Variants in GRM7 observed in about 807,000 individuals in gnomAD.
GRM7 encodes the protein metabotropic glutamate receptor 7.
In GRM7, 35 loss-of-function variants were observed where a neutral mutation model predicts 84.5. That is an observed-to-expected ratio of 0.41 (90% confidence interval 0.32 to 0.55). GRM7 has a LOEUF of 0.55. Ranked by LOEUF, GRM7 falls within the 20% of genes least tolerant of loss-of-function variation. The pLI, the probability that GRM7 is intolerant of heterozygous loss-of-function variation, is 0.19. For missense variants in GRM7, 1,003 were observed against 1,194.6 expected (o/e 0.84, Z 2.36); for synonymous variants, 487 against 455.1 (o/e 1.07, Z -0.89).
intron 4 of GRM7, among the ~76,000 whole-genome samples, chr3:7,355,381 C>T (rs1356088458): frequency 6.6e-6 from 1 of 152,036 alleles, no homozygotes; most frequent in Non-Finnish European, 1.5e-5. Flanking sequence ...GGTCCAGGCA[C>T]CTGTGCAAAC....
At chr3:7,433,672 G>A (rs1264194476) in intron 5 of GRM7, among the ~76,000 whole-genome samples, 7 of 152,170 alleles carry the variant, frequency 4.6e-5, no homozygotes, top group Non-Finnish European at 8.8e-5. Context: ...CTTCTGCTGA[G>A]CAGTTTTCTT....
chr3:7,718,850 G>A (rs903766090), intron 9 of GRM7, among the ~76,000 whole-genome samples: 2 of 152,214 alleles, frequency 1.3e-5, no homozygotes, highest in East Asian at 1.9e-4. Context: ...CTTTGGTGAT[G>A]ATCTTGCTGA....
intron 1 of GRM7, among the ~76,000 whole-genome samples, chr3:6,979,184 C>T (rs908092035): frequency 6.6e-6 from 1 of 152,146 alleles, no homozygotes; most frequent in Non-Finnish European, 1.5e-5. Context: ...CACGAATTCT[C>T]TCTTTTCAGT....
intron 1 of GRM7, among the ~76,000 whole-genome samples, chr3:7,030,980 A>C (rs1367254209): frequency 6.6e-6 from 1 of 152,216 alleles, no homozygotes; most frequent in Non-Finnish European, 1.5e-5. Flanking sequence ...TGAAAGAATA[A>C]AGTATATGCT....
At chr3:7,147,269 G>C (rs1447572984) in intron 2 of GRM7, among the ~76,000 whole-genome samples, 1 of 152,118 alleles carries the variant, frequency 6.6e-6, no homozygotes, top group Non-Finnish European at 1.5e-5. Context: ...GGAAGTAATG[G>C]GTTCAAATGT....
chr3:7,602,811 C>G (rs185461821), intron 8 of GRM7, among the ~76,000 whole-genome samples: 1 of 152,078 alleles, frequency 6.6e-6, no homozygotes, highest in African/African-American at 2.4e-5. Flanking sequence ...TGCTTTGATG[C>G]GTCTTGTATA....
chr3:7,549,368 C>A (rs1575481143), intron 7 of GRM7, among the ~76,000 whole-genome samples: 2 of 152,082 alleles, frequency 1.3e-5, no homozygotes, highest in East Asian at 3.9e-4. Context: ...CACATAGGCA[C>A]CTTAAAATCA....
chr3:7,293,818 T>C (rs1013547331), intron 2 of GRM7, among the ~76,000 whole-genome samples: 1 of 152,220 alleles, frequency 6.6e-6, no homozygotes, highest in Non-Finnish European at 1.5e-5. Flanking sequence ...TGAATGTTTA[T>C]GTTGAAGTCA....
chr3:7,613,174 T>A (rs1344164761), intron 8 of GRM7, among the ~76,000 whole-genome samples: 1 of 152,140 alleles, frequency 6.6e-6, no homozygotes, highest in Non-Finnish European at 1.5e-5. Flanking sequence ...TCAATGGACA[T>A]GAATTTGGGG....
intron 4 of GRM7, among the ~76,000 whole-genome samples, chr3:7,370,409 C>T (rs1184131359): frequency 6.6e-6 from 1 of 152,046 alleles, no homozygotes; most frequent in African/African-American, 2.4e-5. Flanking sequence ...ATTGTAGTTC[C>T]CATAATTCCC....
intron 7 of GRM7, among the ~76,000 whole-genome samples, chr3:7,555,862 C>G (rs1693730317): frequency 6.6e-6 from 1 of 152,122 alleles, no homozygotes; most frequent in Non-Finnish European, 1.5e-5. Context: ...GAGAAGCCAC[C>G]ATATCTACTT....
intron 2 of GRM7, among the ~76,000 whole-genome samples, chr3:7,155,669 T>A (rs893618843): frequency 6.6e-6 from 1 of 152,190 alleles, no homozygotes; most frequent in South Asian, 2.1e-4. Flanking sequence ...CAAAGGGATC[T>A]GTTTTCCTTT....
chr3:7,415,737 T>G (rs370066243), intron 5 of GRM7, among the ~76,000 whole-genome samples: 28 of 152,140 alleles, frequency 1.8e-4, no homozygotes, highest in African/African-American at 6.3e-4. Context: ...ATTTACTGAG[T>G]GACTCCTTTC....
At chr3:7,716,833 A>C in intron 9 of GRM7, among the ~76,000 whole-genome samples, 1 of 152,308 alleles carries the variant, frequency 6.6e-6, no homozygotes, top group African/African-American at 2.4e-5. Context: ...AGCAAGGGAA[A>C]TTGTGTGCTT....
chr3:7,553,473 A>C (rs1161346625), intron 7 of GRM7, among the ~76,000 whole-genome samples: 7 of 152,162 alleles, frequency 4.6e-5, no homozygotes, highest in Non-Finnish European at 2.9e-5. Context: ...TTATTGTATT[A>C]GTTCATTTTC....
chr3:7,244,128 A>G (rs954531716), intron 2 of GRM7, among the ~76,000 whole-genome samples: 2 of 152,094 alleles, frequency 1.3e-5, no homozygotes, highest in Non-Finnish European at 2.9e-5. Context: ...TAAATTTATG[A>G]AAATTATGTT....
intron 1 of GRM7, among the ~76,000 whole-genome samples, chr3:7,108,080 G>T (rs1269857561): frequency 6.6e-6 from 1 of 152,080 alleles, no homozygotes. Context: ...CAATGGGGTT[G>T]TTTGCCTACA....
At position 7,316,943 on chromosome 3, in the gene GRM7, T is replaced by C. The variant is rs79316589; in HGVS notation, c.1033+10291T>C. On this transcript the variant is annotated intron_variant, in intron 4 of 9. Transcript: ENST00000357716. ...TGTCACTTGCTAGAATATTCTGTCA[T>C]CACGAGGATAAGAAAAGAGAAGCCA... Among the ~76,000 whole-genome samples, 651 of 152,220 alleles carry C rather than the reference T, an allele frequency of 4.3e-3. 31 individuals are homozygous for C. In the East Asian group the frequency reaches 0.099, roughly 23 times the overall value.
chr3:7,418,440 A>G (rs759443137), intron 5 of GRM7, among the ~76,000 whole-genome samples: 3 of 152,172 alleles, frequency 2.0e-5, no homozygotes, highest in African/African-American at 2.4e-5. Flanking sequence ...GCTGCTTCAT[A>G]GAAGAGCTAT....
Sources: gnomAD v4.1 joint callset for allele counts (sites outside exome capture counted in the v4.1 genomes callset) on GRCh38, gnomAD v4.1.1 for gene constraint, MANE v1.5 for transcripts, NCBI Gene and HGNC (gene_info 2026-07-23, HGNC 2026-07-21) for gene names.